Variants in KLF9 observed in about 807,000 individuals in gnomAD.
KLF9 encodes the protein KLF transcription factor 9, also known as Krueppel-like factor 9.
A neutral mutation model predicts 17.3 loss-of-function variants in KLF9; 2 were observed. That is an observed-to-expected ratio of 0.12 (90% CI 0.05 to 0.36). The LOEUF (loss-of-function observed/expected upper bound fraction) is 0.36. Ranked by LOEUF, KLF9 falls within the 10% of genes least tolerant of loss-of-function variation. The probability of loss-of-function intolerance (pLI) is 1.00; values close to 1 mark genes in which losing one functional copy is unlikely to be tolerated. For synonymous variants in KLF9, 138 were observed against 139.2 expected, an observed-to-expected ratio of 0.99 and a Z score of 0.06; for missense variants, 226 against 333.2, an observed-to-expected ratio of 0.68 and a Z score of 2.51.
chr9:70,407,786 C>T (rs1463067610), intron 1 of KLF9, among the ~76,000 whole-genome samples: 1 of 152,194 alleles, frequency 6.6e-6, no homozygotes, highest in Non-Finnish European at 1.5e-5. Context: ...GGGAGTTTTA[C>T]CCTCTTGTCT....
At position 70,414,029 on chromosome 9, in the gene KLF9, T is replaced by A; in HGVS notation, c.-666A>T. ...TGGCCAGTGGGGAGGGTGATTCAACTCTGTTTACTTTCTCCCCCTGCCAGT... is the reference window on the plus strand; with the variant it reads ...TGGCCAGTGGGGAGGGTGATTCAACACTGTTTACTTTCTCCCCCTGCCAGT... On this transcript the variant is annotated 5_prime_UTR_variant, in exon 1 of 2. Transcript: ENST00000377126. The A allele has an allele frequency of 6.5e-6, 1 of 152,726 alleles. No individual in the cohort carries two copies. Among genetic ancestry groups the A allele is most frequent in the East Asian group, 1.9e-4 (1 of 5,178 alleles). 9.5% of individuals were successfully genotyped at this position (152,726 alleles called of 1,614,324 possible).
At chr9:70,400,966 T>C (rs1236775243) in intron 1 of KLF9, among the ~76,000 whole-genome samples, 1 of 151,948 alleles carries the variant, frequency 6.6e-6, no homozygotes, top group African/African-American at 2.4e-5. Context: ...AAAAGGAATA[T>C]AGTCCCCTCT....
At position 70,414,623 on chromosome 9, in the gene KLF9, C is replaced by T. The variant is rs2037370353; in HGVS notation, c.-1260G>A. 1.3e-5 allele frequency: 2 copies of T among 152,166 alleles called. No individual in the cohort carries two copies. Among genetic ancestry groups the T allele is most frequent in the Non-Finnish European group, 2.9e-5 (2 of 68,038 alleles). 9.4% of individuals were successfully genotyped at this position (152,166 alleles called of 1,614,324 possible). On this transcript the variant is annotated 5_prime_UTR_variant, in exon 1 of 2. Coordinates refer to ENST00000377126, the MANE Select transcript of KLF9 (RefSeq NM_001206.4). ...TATAATTAAAAAAACCCCATTATGT[C>T]AGGATAAGTCCAAGAATAAACACAA...
At chr9:70,397,344 A>G (rs1030272666) in intron 1 of KLF9, among the ~76,000 whole-genome samples, 4 of 151,842 alleles carry the variant, frequency 2.6e-5, no homozygotes, top group Middle Eastern at 3.2e-3. Context: ...GCATGGTGGC[A>G]CATGCCTGTA....
At position 70,397,866 on chromosome 9, in the gene KLF9, C is replaced by T. The variant is rs756155175; in HGVS notation, c.506-9861G>A. On this transcript the variant is annotated intron_variant, in intron 1 of 1. Transcript: ENST00000377126. The stretch of plus-strand genomic sequence containing the variant: ...AAAAAGCAATGTCAACATGCAGGTA[C>T]GAAACATGAACAGTTGCTTTTTTCC... Among the ~76,000 whole-genome samples, 128 of 152,272 alleles carry T rather than the reference C, an allele frequency of 8.4e-4. 2 individuals are homozygous for T. The Middle Eastern group carries it at 0.014, about 16-fold the overall frequency.
chr9:70,399,639 C>A (rs926205517), intron 1 of KLF9, among the ~76,000 whole-genome samples: 5 of 152,216 alleles, frequency 3.3e-5, no homozygotes, highest in Admixed American at 6.5e-5. Context: ...CCCAAGGACG[C>A]CCTGCACAAT....
In KLF9 at chr9:70,413,050, G is replaced by A; in HGVS notation, c.314C>T (p.Ser105Leu). 1.9e-6 allele frequency: 3 copies of A among 1,614,090 alleles called. No homozygotes were observed. The highest frequency in any genetic ancestry group is 2.5e-6 in the Non-Finnish European group (3 of 1,179,978). The part of the protein sequence containing the change: ...SDSDVTTESG[S>L]SPSHSPEERQ... ...CTCCTCCGGGCTGTGGGAAGGACTCGACCCAGATTCGGTGGTCACGTCGCT... is the reference window on the plus strand; with the variant it reads ...CTCCTCCGGGCTGTGGGAAGGACTCAACCCAGATTCGGTGGTCACGTCGCT... The change falls in exon 1 of 2, where the codon TCG becomes TTG. Residue 105 changes from serine to leucine, a missense_variant. Transcript: ENST00000377126. This position sits in a 1 kb window ranked among gnomAD's most constrained non-coding sequence, Gnocchi z 5.6.
chr9:70,404,892 C>T (rs2037246091), intron 1 of KLF9, among the ~76,000 whole-genome samples: 1 of 152,130 alleles, frequency 6.6e-6, no homozygotes, highest in Non-Finnish European at 1.5e-5. Context: ...ATGGTGGAGA[C>T]AGGATTCAAA....
In KLF9 at chr9:70,384,703, G is replaced by A. The variant is rs527642834; in HGVS notation, c.*3073C>T. On this transcript the variant is annotated 3_prime_UTR_variant, in exon 2 of 2. Transcript: ENST00000377126. Reference sequence around the variant, plus strand: ...ATAATTTCATTTGATTTACAAAAACGGGACAGCAAAATAACTTAGGTCACT... The same window carrying A: ...ATAATTTCATTTGATTTACAAAAACAGGACAGCAAAATAACTTAGGTCACT... 1.1e-4 allele frequency: 17 copies of A among 152,540 alleles called. No individual in the cohort carries two copies. Among genetic ancestry groups the A allele is most frequent in the African/African-American group, 3.6e-4 (15 of 41,486 alleles). The allele number at this position is 152,540 out of a possible 1,614,324, so 9.4% of individuals were successfully genotyped here. A position where few individuals can be genotyped will look rare whatever the true frequency, so the allele number is the denominator to read the frequency against.
rs947949421 is a variant in KLF9 at position 70,413,313 on chromosome 9, G to A, written c.51C>T (p.Ser17=). 3.7e-6 allele frequency: 6 copies of A among 1,604,032 alleles called. No homozygotes were observed. In the East Asian group the frequency reaches 1.3e-4, roughly 36 times the overall value. The stretch of plus-strand genomic sequence containing the variant: ...CCGGCACCGCAGCGCGGTTCGAAAT[G>A]GAAACCAGACACTGGGCAGCCACGA... The part of the protein sequence containing the change: ...MDFVAAQCLV[S]ISNRAAVPEH... The change falls in exon 1 of 2, where the codon TCC becomes TCT. Residue 17 remains serine, a synonymous_variant. Coordinates refer to ENST00000377126, the MANE Select transcript of KLF9 (RefSeq NM_001206.4). This position sits in a 1 kb window ranked among gnomAD's most constrained non-coding sequence, Gnocchi z 5.6.
intron 1 of KLF9, among the ~76,000 whole-genome samples, chr9:70,400,842 G>T (rs1297717936): frequency 6.6e-6 from 1 of 152,140 alleles, no homozygotes; most frequent in Non-Finnish European, 1.5e-5. Context: ...GATGGAGTGA[G>T]CCACTAAGTC....
At chr9:70,400,910 C>T (rs1163029855) in intron 1 of KLF9, among the ~76,000 whole-genome samples, 1 of 152,142 alleles carries the variant, frequency 6.6e-6, no homozygotes, top group South Asian at 2.1e-4. Context: ...GAGCTGTCCA[C>T]CCTTCACAAA....
intron 1 of KLF9, among the ~76,000 whole-genome samples, chr9:70,402,589 G>C (rs953499380): frequency 6.6e-6 from 1 of 152,140 alleles, no homozygotes; most frequent in Non-Finnish European, 1.5e-5. Context: ...TTCCATGTGA[G>C]GCTTTTATTA....
intron 1 of KLF9, among the ~76,000 whole-genome samples, chr9:70,401,686 C>CAAAAAAAAAAAAAAAA (rs34988097): frequency 1.4e-4 from 9 of 66,378 alleles, no homozygotes; most frequent in Admixed American, 2.0e-4. Flanking sequence ...GACTCCTTCA[C>CAAAAAAAAAAAAAAAA]AAAAAAAAAA....
intron 1 of KLF9, among the ~76,000 whole-genome samples, chr9:70,404,271 G>A (rs1165980938): frequency 2.0e-5 from 3 of 152,128 alleles, no homozygotes; most frequent in African/African-American, 7.2e-5. Flanking sequence ...ATTTTACACA[G>A]CTTTTTGCAT....
intron 1 of KLF9, among the ~76,000 whole-genome samples, chr9:70,412,000 C>A (rs1196330270): frequency 6.6e-6 from 1 of 151,984 alleles, no homozygotes; most frequent in Non-Finnish European, 1.5e-5. Flanking sequence ...TTTTAAAAGG[C>A]AGATAGATGT....
chr9:70,400,610 A>G (rs1166307363), intron 1 of KLF9, among the ~76,000 whole-genome samples: 1 of 152,212 alleles, frequency 6.6e-6, no homozygotes, highest in East Asian at 1.9e-4. Context: ...ATGCCTGATT[A>G]GTCAACACGT....
rs959822574 is a variant in KLF9, at chr9:70,384,734, T to C, written c.*3042A>G. The C allele has an allele frequency of 2.0e-5, 3 of 152,658 alleles. No homozygotes were observed. Among genetic ancestry groups the C allele is most frequent in the Non-Finnish European group, 4.4e-5 (3 of 68,036 alleles). 9.5% of individuals were successfully genotyped at this position (152,658 alleles called of 1,614,324 possible). A position where few individuals can be genotyped will look rare whatever the true frequency, so the allele number is the denominator to read the frequency against. ...GCAAAATAACTTAGGTCACTAATACTGTACAAAAATAAAACTGATTAAACA... is the reference window on the plus strand; with the variant it reads ...GCAAAATAACTTAGGTCACTAATACCGTACAAAAATAAAACTGATTAAACA... On this transcript the variant is annotated 3_prime_UTR_variant, in exon 2 of 2. Transcript: ENST00000377126.
At chr9:70,393,883 G>A (rs1032280860) in intron 1 of KLF9, among the ~76,000 whole-genome samples, 3 of 152,110 alleles carry the variant, frequency 2.0e-5, no homozygotes, top group South Asian at 2.1e-4. Context: ...TTAGCCAGGC[G>A]TAGTGGTGCT....
Sources: gnomAD v4.1 joint callset for allele counts (sites outside exome capture counted in the v4.1 genomes callset) on GRCh38, gnomAD v4.1.1 for gene constraint, Gnocchi (gnomAD v3.1) non-coding constraint, MANE v1.5 for transcripts, NCBI Gene and HGNC (gene_info 2026-07-23, HGNC 2026-07-21) for gene names.